The following AGO2 variants were observed in gnomAD, a reference collection of about 807,000 sequenced individuals.
The protein encoded by AGO2 is argonaute RISC catalytic component 2.
In AGO2, 5 loss-of-function variants were observed where a neutral mutation model predicts 102.3. The ratio of observed to expected loss-of-function variants is 0.05; its 90% CI spans 0.03 to 0.10. The LOEUF is 0.10. AGO2 is among the 10% of genes least tolerant of loss of function. The probability of loss-of-function intolerance (pLI) is 1.00; values close to 1 mark genes in which losing one functional copy is unlikely to be tolerated. For missense variants in AGO2, 541 were observed against 1,183.7 expected (o/e 0.46, Z 7.97); for synonymous variants, 449 against 473.1 (o/e 0.95, Z 0.66).
At chr8:140,560,307 C>T (rs1367969050) in intron 5 of AGO2, 67 bp downstream of exon 5, 19 of 1,571,118 alleles carry the variant, frequency 1.2e-5, no homozygotes, top group East Asian at 4.5e-5. Context: ...ACCCCCCGAC[C>T]GGGGTCCTGA....
chr8:140,546,737 C>T (rs1356091707), intron 13 of AGO2, among the ~76,000 whole-genome samples: 1 of 152,344 alleles, frequency 6.6e-6, no homozygotes, highest in Admixed American at 6.5e-5. Flanking sequence ...ACGTATTCTC[C>T]GTTGTTGTCG....
intron 15 of AGO2, 147 bp downstream of exon 15, chr8:140,541,017 G>A (rs1349051077): frequency 1.1e-6 from 1 of 951,136 alleles, no homozygotes; most frequent in Admixed American, 3.0e-5. Context: ...TCCTCCCCTG[G>A]ACCCCCTTCC....
chr8:140,562,396 G>A (rs958406734), intron 4 of AGO2, 57 bp downstream of exon 4: 18 of 1,556,738 alleles, frequency 1.2e-5, no homozygotes, highest in East Asian at 9.1e-5. Flanking sequence ...GACCCTGCGG[G>A]GGGCCCTCGG....
chr8:140,559,070 A>G (rs911803781), intron 6 of AGO2, among the ~76,000 whole-genome samples: 4 of 152,170 alleles, frequency 2.6e-5, no homozygotes, highest in Admixed American at 6.5e-5. Context: ...AATGAAGACA[A>G]AAGAAAACGC....
At chr8:140,574,174 A>G (rs1039031334) in intron 2 of AGO2, among the ~76,000 whole-genome samples, 6 of 111,800 alleles carry the variant, frequency 5.4e-5, no homozygotes, top group South Asian at 3.1e-4. Flanking sequence ...AGAGGCCTCC[A>G]GAAACACACT....
At chr8:140,598,654 C>T (rs977548089) in intron 1 of AGO2, among the ~76,000 whole-genome samples, 13 of 152,354 alleles carry the variant, frequency 8.5e-5, no homozygotes, top group Admixed American at 2.6e-4. Flanking sequence ...GGAGGAAGCG[C>T]GTGCTGGCTG....
chr8:140,561,206 G>A (rs900931021), intron 4 of AGO2, among the ~76,000 whole-genome samples: 14 of 152,254 alleles, frequency 9.2e-5, no homozygotes, highest in Non-Finnish European at 1.5e-4. Flanking sequence ...CACGGGCACC[G>A]TGGGGTCTGG....
In AGO2 at chr8:140,599,740, G is replaced by A. The variant is rs367958320; in HGVS notation, c.23-14429C>T. Among the ~76,000 whole-genome samples the A allele has an allele frequency of 6.6e-5, 10 of 152,136 alleles. No homozygotes were observed. In the East Asian group the frequency reaches 9.7e-4, roughly 15 times the overall value. ...ACGATTTTTTTGTTTGTTTTTCCCC[G>A]AGACAAGGTTCTCAGTCTGTCCCCA... is the stretch of plus-strand genomic sequence containing the variant. On this transcript the variant is annotated intron_variant, in intron 1 of 18. Coordinates refer to ENST00000220592, the MANE Select transcript of AGO2 (RefSeq NM_012154.5).
At chr8:140,544,074 G>T in intron 14 of AGO2, 139 bp downstream of exon 14, 1 of 897,424 alleles carries the variant, frequency 1.1e-6, no homozygotes, top group South Asian at 1.9e-5. Context: ...TCTCCCACAA[G>T]ACCCCGGCCG....
chr8:140,565,395 C>G (rs184744816), intron 3 of AGO2, among the ~76,000 whole-genome samples: 2 of 148,974 alleles, frequency 1.3e-5, no homozygotes, highest in African/African-American at 2.5e-5. Context: ...GCCGAGATCG[C>G]GCCACTGCAC....
In AGO2 at chr8:140,544,313, G is replaced by A. The variant is rs368789089; in HGVS notation, c.1749-10C>T. On this transcript the variant is annotated splice_polypyrimidine_tract_variant and intron_variant, in intron 13 of 18. Transcript: ENST00000220592. ...CTGGAACACCGGCGGCCTGCGGAGA[G>A]GAGTGGCGTCAGGGGCCACGGTGAG... is the stretch of plus-strand genomic sequence containing the variant. The A allele has an allele frequency of 3.8e-6, 6 of 1,596,936 alleles. No individual in the cohort carries two copies. The highest frequency in any genetic ancestry group is 5.1e-6 in the Non-Finnish European group (6 of 1,173,306).
chr8:140,554,225 G>A (rs1197150723), intron 10 of AGO2, among the ~76,000 whole-genome samples: 1 of 152,208 alleles, frequency 6.6e-6, no homozygotes, highest in Non-Finnish European at 1.5e-5. Context: ...CTCATGAAGG[G>A]GGATCACGGG....
At chr8:140,595,065 T>C (rs538561125) in intron 1 of AGO2, among the ~76,000 whole-genome samples, 33 of 152,256 alleles carry the variant, frequency 2.2e-4, no homozygotes, top group Middle Eastern at 6.8e-3. Flanking sequence ...TCAGAAGGCT[T>C]TTAAAATTAC....
intron 1 of AGO2, among the ~76,000 whole-genome samples, chr8:140,618,567 A>C (rs2074172965): frequency 6.6e-6 from 1 of 152,236 alleles, no homozygotes; most frequent in Non-Finnish European, 1.5e-5. Context: ...ATTAAGTGAA[A>C]AGGAAAGACA....
intron 2 of AGO2, among the ~76,000 whole-genome samples, chr8:140,575,060 T>A (rs969883774): frequency 2.6e-5 from 4 of 151,618 alleles, no homozygotes; most frequent in Non-Finnish European, 4.4e-5. Flanking sequence ...GTCTGGGGAG[T>A]GCCCGTGGCA....
intron 2 of AGO2, among the ~76,000 whole-genome samples, chr8:140,580,111 T>C (rs535988002): frequency 2.0e-5 from 3 of 152,354 alleles, no homozygotes; most frequent in Non-Finnish European, 4.4e-5. Flanking sequence ...GCCCCCATTC[T>C]TTCTCGGGGC....
At chr8:140,560,571 C>T (rs2073182581) in intron 4 of AGO2, 61 bp from the exon 5 acceptor site, 10 of 1,567,246 alleles carry the variant, frequency 6.4e-6, no homozygotes, top group Admixed American at 1.8e-5. Context: ...GGAACAGCTG[C>T]CTCTGGGTGG....
At chr8:140,597,997 G>A (rs962373552) in intron 1 of AGO2, among the ~76,000 whole-genome samples, 1 of 152,200 alleles carries the variant, frequency 6.6e-6, no homozygotes, top group Non-Finnish European at 1.5e-5. Context: ...GCCCCATGCT[G>A]GGCTGTAGGG....
At position 140,557,363 on chromosome 8, in the gene AGO2, G is replaced by T; in HGVS notation, c.879-127C>A. On this transcript the variant is annotated intron_variant, in intron 7 of 18. Coordinates refer to ENST00000220592, the MANE Select transcript of AGO2 (RefSeq NM_012154.5). This position sits in a 1 kb window ranked among gnomAD's most constrained non-coding sequence, Gnocchi z 5.9. ...AAACATTCAGAGCACTTCCGGGAGT[G>T]AAAACCATGTCATGTGCTTTGGGTT... 8.6e-7 allele frequency: 1 copy of T among 1,164,196 alleles called. No homozygotes were observed. The highest frequency in any genetic ancestry group is 1.2e-6 in the Non-Finnish European group (1 of 842,708). 72.1% of individuals were successfully genotyped at this position (1,164,196 alleles called of 1,614,324 possible).
Sources: allele counts gnomAD v4.1 joint callset (sites outside exome capture counted in the v4.1 genomes callset), GRCh38; gene constraint gnomAD v4.1.1; non-coding constraint Gnocchi (gnomAD v3.1); transcripts MANE v1.5; gene names NCBI Gene and HGNC (gene_info 2026-07-23, HGNC 2026-07-21).